The following CNTN5 variants were observed in gnomAD, a reference collection of about 807,000 sequenced individuals.
The protein encoded by CNTN5 is contactin-5.
CNTN5 carries 77 observed loss-of-function variants against 129.1 expected under a neutral mutation model. The ratio of observed to expected loss-of-function variants is 0.60; its 90% CI spans 0.50 to 0.72. The LOEUF (loss-of-function observed/expected upper bound fraction) is 0.72, where lower values mean the gene tolerates loss of function less well. Among genes scored for constraint, CNTN5 ranks in the 30% least tolerant of loss-of-function variants. CNTN5 has a pLI of 0.00. For synonymous variants in CNTN5, 509 were observed against 465.6 expected (o/e 1.09, Z -1.20); for missense variants, 1,478 against 1,328.8 (o/e 1.11, Z -1.75).
chr11:99,700,083 A>G (rs1299241226), intron 3 of CNTN5, among the ~76,000 whole-genome samples: 1 of 151,474 alleles, frequency 6.6e-6, no homozygotes, highest in Non-Finnish European at 1.5e-5. Context: ...TAGCACCACT[A>G]TATCTTGCCA....
chr11:99,908,069 A>T (rs1949556594), intron 6 of CNTN5, among the ~76,000 whole-genome samples: 1 of 152,062 alleles, frequency 6.6e-6, no homozygotes, highest in Non-Finnish European at 1.5e-5. Flanking sequence ...ATGTAGTCCC[A>T]GTGTGAAAAA....
intron 9 of CNTN5, among the ~76,000 whole-genome samples, chr11:100,012,623 C>G (rs1940596912): frequency 6.6e-6 from 1 of 152,066 alleles, no homozygotes; most frequent in African/African-American, 2.4e-5. Context: ...ATGTGCAAGG[C>G]CAAACAGCTA....
intron 2 of CNTN5, among the ~76,000 whole-genome samples, chr11:99,377,726 A>C (rs569914667): frequency 6.6e-6 from 1 of 152,232 alleles, no homozygotes; most frequent in African/African-American, 2.4e-5. Context: ...AAGTGTCTGG[A>C]GGTACATCTT....
intron 2 of CNTN5, among the ~76,000 whole-genome samples, chr11:99,540,892 AG>A (rs1428822010): frequency 1.3e-5 from 2 of 152,228 alleles, no homozygotes; most frequent in Admixed American, 6.5e-5. Flanking sequence ...CGAATTTAGA[AG>A]TATCTTGATA....
chr11:99,540,575 GA>G (rs1406901318), intron 2 of CNTN5, among the ~76,000 whole-genome samples: 1 of 152,024 alleles, frequency 6.6e-6, no homozygotes, highest in African/African-American at 2.4e-5. Flanking sequence ...CAGAGGTCAA[GA>G]AAAAATTTTT....
intron 8 of CNTN5, among the ~76,000 whole-genome samples, chr11:99,960,288 C>T (rs1950907201): frequency 6.6e-6 from 1 of 151,982 alleles, no homozygotes; most frequent in Admixed American, 6.6e-5. Flanking sequence ...TAATTCATAG[C>T]TTTTTATGTC....
At chr11:99,424,711 T>G (rs560945064) in intron 2 of CNTN5, among the ~76,000 whole-genome samples, 11 of 152,368 alleles carry the variant, frequency 7.2e-5, no homozygotes, top group African/African-American at 2.4e-4. Flanking sequence ...CTCCTATGTC[T>G]GGGCTGCCAG....
At chr11:99,327,769 T>A (rs117766387) in intron 2 of CNTN5, among the ~76,000 whole-genome samples, 25 of 152,296 alleles carry the variant, frequency 1.6e-4, no homozygotes, top group Non-Finnish European at 2.8e-4. Flanking sequence ...AAACTGACAG[T>A]TTCATCTTGA....
intron 3 of CNTN5, among the ~76,000 whole-genome samples, chr11:99,754,333 C>T (rs184510024): frequency 1.1e-4 from 17 of 152,300 alleles, no homozygotes; most frequent in Admixed American, 2.6e-4. Flanking sequence ...ACTCCTCCAC[C>T]ATTTAGCTCA....
At chr11:99,791,100 A>G (rs1304235076) in intron 3 of CNTN5, among the ~76,000 whole-genome samples, 1 of 117,438 alleles carries the variant, frequency 8.5e-6, no homozygotes, top group East Asian at 2.7e-4. Flanking sequence ...TGTGTTGTTT[A>G]CTTTGTTGAT....
chr11:99,845,924 G>T (rs1947678373), intron 6 of CNTN5, among the ~76,000 whole-genome samples: 1 of 151,836 alleles, frequency 6.6e-6, no homozygotes. Flanking sequence ...TCCTTTTTAA[G>T]ATATCTATAA....
At chr11:99,629,139 A>T (rs909393720) in intron 3 of CNTN5, among the ~76,000 whole-genome samples, 2 of 152,068 alleles carry the variant, frequency 1.3e-5, no homozygotes, top group African/African-American at 4.8e-5. Flanking sequence ...AAAGAATGTA[A>T]AGCTTATTAC....
At chr11:100,174,416 T>A (rs1334309584) in intron 13 of CNTN5, among the ~76,000 whole-genome samples, 1 of 152,126 alleles carries the variant, frequency 6.6e-6, no homozygotes, top group Non-Finnish European at 1.5e-5. Flanking sequence ...AACCTTGTTT[T>A]CATCACAGAG....
intron 1 of CNTN5, among the ~76,000 whole-genome samples, chr11:99,115,632 T>C (rs1940514): frequency 0.95 from 144,212 of 152,084 alleles, 68,463 homozygotes; most frequent in East Asian, 1. Context: ...TGGTGGCAGG[T>C]GCCTGTAATC....
At chr11:99,819,512 A>T (rs1299211398) in intron 3 of CNTN5, 32 bp from the exon 4 acceptor site, 3 of 1,560,002 alleles carry the variant, frequency 1.9e-6, no homozygotes, top group Non-Finnish European at 2.6e-6. Context: ...TTTCCTCAAA[A>T]TTCAGATTTT....
chr11:99,119,619 A>G (rs1415001864), intron 1 of CNTN5, among the ~76,000 whole-genome samples: 1 of 152,110 alleles, frequency 6.6e-6, no homozygotes, highest in Non-Finnish European at 1.5e-5. Flanking sequence ...TGTCTTTATG[A>G]TAGAACAATT....
chr11:100,245,811 G>A (rs1949829152), intron 16 of CNTN5, among the ~76,000 whole-genome samples: 1 of 152,226 alleles, frequency 6.6e-6, no homozygotes, highest in South Asian at 2.1e-4. Context: ...CTTAAGGAAT[G>A]TTGTTTGACA....
At chr11:99,090,519 G>C in intron 1 of CNTN5, among the ~76,000 whole-genome samples, 1 of 151,946 alleles carries the variant, frequency 6.6e-6, no homozygotes, top group East Asian at 1.9e-4. Context: ...CAGATCATGT[G>C]ATAAAGACAG....
chr11:100,088,074 C>A (rs1944624022), intron 13 of CNTN5, among the ~76,000 whole-genome samples: 1 of 151,306 alleles, frequency 6.6e-6, no homozygotes, highest in Admixed American at 6.6e-5. Context: ...AATGAAGAGA[C>A]ACAACACACC....
Sources: allele counts gnomAD v4.1 joint callset (sites outside exome capture counted in the v4.1 genomes callset), GRCh38; gene constraint gnomAD v4.1.1; transcripts MANE v1.5; gene names NCBI Gene and HGNC (gene_info 2026-07-23, HGNC 2026-07-21).